TNR: variants seen among roughly 807,000 people sequenced by gnomAD.
The protein encoded by TNR is tenascin R, also known as tenascin-R.
Under a neutral mutation model 150.4 loss-of-function variants are expected in TNR, and 45 were observed. That is an observed-to-expected ratio of 0.30 (90% CI 0.24 to 0.38). The LOEUF (loss-of-function observed/expected upper bound fraction) is 0.38, where lower values mean the gene tolerates loss of function less well. TNR is among the 10% of genes least tolerant of loss of function. The pLI is 1.00. For missense variants in TNR, 1,544 were observed against 1,759.1 expected (o/e 0.88, Z 2.19); for synonymous variants, 687 against 678.4 (o/e 1.01, Z -0.20).
intron 2 of TNR, among the ~76,000 whole-genome samples, chr1:175,499,968 G>A (rs767416854): frequency 7.9e-5 from 12 of 152,172 alleles, no homozygotes; most frequent in Non-Finnish European, 1.5e-4. Context: ...AAAATACAAT[G>A]CCTATGGTTG....
chr1:175,427,658 T>TTTCCTTCCTTCCTTCCTTCCTTCC (rs199692758), intron 2 of TNR, among the ~76,000 whole-genome samples: 7 of 116,538 alleles, frequency 6.0e-5, no homozygotes, highest in Non-Finnish European at 1.1e-4. Flanking sequence ...AAGTGTTTTG[T>TTTCCTTCCTTCCTTCCTTCCTTCC]TTCCTTCCTT....
At chr1:175,424,845 G>A (rs942367881) in intron 2 of TNR, among the ~76,000 whole-genome samples, 15 of 152,070 alleles carry the variant, frequency 9.9e-5, no homozygotes, top group African/African-American at 3.4e-4. Context: ...AGTAACCACT[G>A]GCTTCTGTCT....
intron 1 of TNR, among the ~76,000 whole-genome samples, chr1:175,584,943 T>A (rs1309899746): frequency 6.6e-6 from 1 of 152,226 alleles, no homozygotes; most frequent in African/African-American, 2.4e-5. Flanking sequence ...TGGTGTCTCC[T>A]CCACAATTGC....
At chr1:175,670,929 A>G (rs922592603) in intron 1 of TNR, among the ~76,000 whole-genome samples, 1 of 152,138 alleles carries the variant, frequency 6.6e-6, no homozygotes, top group Admixed American at 6.5e-5. Context: ...GGGAAAGATC[A>G]CTCTGAGAGT....
intron 1 of TNR, among the ~76,000 whole-genome samples, chr1:175,650,806 T>TAC (rs1558054741): frequency 3.8e-3 from 17 of 4,458 alleles, no homozygotes; most frequent in East Asian, 0.011. Context: ...ATCTCATTAC[T>TAC]ACCTGTCCCC....
intron 1 of TNR, among the ~76,000 whole-genome samples, chr1:175,722,810 G>T (rs73035473): frequency 6.9e-6 from 1 of 144,906 alleles, no homozygotes; most frequent in Non-Finnish European, 1.5e-5. Context: ...CCCTGCCCCC[G>T]AGACAGAGTC....
intron 1 of TNR, among the ~76,000 whole-genome samples, chr1:175,663,599 G>A (rs1665443672): frequency 6.6e-6 from 1 of 152,168 alleles, no homozygotes; most frequent in African/African-American, 2.4e-5. Flanking sequence ...CTACAGACAG[G>A]GAAAAGCCTA....
intron 1 of TNR, among the ~76,000 whole-genome samples, chr1:175,580,042 T>C (rs1185144217): frequency 2.0e-5 from 3 of 151,776 alleles, no homozygotes; most frequent in African/African-American, 4.8e-5. Context: ...ACCTACAGAG[T>C]CGACCCCAAG....
chr1:175,402,513 A>T (rs933171110), intron 4 of TNR, among the ~76,000 whole-genome samples: 2 of 152,136 alleles, frequency 1.3e-5, no homozygotes, highest in African/African-American at 4.8e-5. Flanking sequence ...AATATTCTGT[A>T]CTAATTGTTA....
intron 1 of TNR, among the ~76,000 whole-genome samples, chr1:175,637,195 G>T (rs1338387919): frequency 6.6e-6 from 1 of 152,124 alleles, no homozygotes; most frequent in Non-Finnish European, 1.5e-5. Context: ...TATTTTTGTT[G>T]CTCTCCAGTA....
At chr1:175,552,582 A>G (rs1235294369) in intron 1 of TNR, among the ~76,000 whole-genome samples, 1 of 152,188 alleles carries the variant, frequency 6.6e-6, no homozygotes, top group Non-Finnish European at 1.5e-5. Flanking sequence ...ACTCCAAACT[A>G]TCTGCTACTT....
At chr1:175,596,427 C>T (rs1207661082) in intron 1 of TNR, among the ~76,000 whole-genome samples, 7 of 152,104 alleles carry the variant, frequency 4.6e-5, no homozygotes, top group Non-Finnish European at 8.8e-5. Flanking sequence ...CTACCTGGCT[C>T]CCAGAATCAT....
intron 18 of TNR, among the ~76,000 whole-genome samples, chr1:175,343,199 A>G (rs1353613996): frequency 2.0e-5 from 3 of 152,086 alleles, no homozygotes; most frequent in Non-Finnish European, 4.4e-5. Context: ...AATCCCTACC[A>G]TGGCCTACAA....
At position 175,334,617 on chromosome 1, in the gene TNR, C is replaced by T. The variant is rs113400539; in HGVS notation, c.3631+1094G>A. Among the ~76,000 whole-genome samples the T allele has an allele frequency of 8.0e-3, 1,212 of 152,344 alleles. 15 individuals carry two copies. Among genetic ancestry groups the T allele is most frequent in the African/African-American group, 0.026 (1,065 of 41,562 alleles). ...CCTGGACCAGTGACACATGACTCAA[C>T]TGGGCCTGCAGCCCCCACCCAGATG... On this transcript the variant is annotated intron_variant, in intron 20 of 22. Transcript: ENST00000367674.
chr1:175,367,997 C>A (rs1271549582), intron 9 of TNR, among the ~76,000 whole-genome samples: 2 of 152,134 alleles, frequency 1.3e-5, no homozygotes, highest in African/African-American at 2.4e-5. Flanking sequence ...AGGGTGTAAG[C>A]TTCTCTGAGG....
chr1:175,666,238 T>C (rs1665529136), intron 1 of TNR, among the ~76,000 whole-genome samples: 1 of 152,204 alleles, frequency 6.6e-6, no homozygotes, highest in Non-Finnish European at 1.5e-5. Context: ...GTCTGCAGTG[T>C]CCTTTAAGAT....
rs199980522 is a variant in TNR, at chr1:175,406,694, T to C, written c.21A>G (p.Thr7=). The C allele has an allele frequency of 6.2e-7, 1 of 1,613,980 alleles. No individual in the cohort carries two copies. Among genetic ancestry groups the C allele is most frequent in the Non-Finnish European group, 8.5e-7 (1 of 1,179,990 alleles). Residue 7 remains threonine, a synonymous_variant, in exon 3 of 23, where the codon ACA becomes ACG. Coordinates refer to ENST00000367674, the MANE Select transcript of TNR (RefSeq NM_003285.3). ...CAATGAGCATGTTCTTCAGAACCACTGTTTCCCCATCTGCCCCCATCCTCT... is the reference window on the plus strand; with the variant it reads ...CAATGAGCATGTTCTTCAGAACCACCGTTTCCCCATCTGCCCCCATCCTCT... The part of the protein sequence containing the change: MGADGE[T]VVLKNMLIGI...
intron 1 of TNR, among the ~76,000 whole-genome samples, chr1:175,654,782 G>A (rs375140064): frequency 6.7e-5 from 9 of 135,042 alleles, no homozygotes; most frequent in African/African-American, 1.1e-4. Context: ...GCAGTGGCGC[G>A]ACCTCAGCTC....
intron 7 of TNR, among the ~76,000 whole-genome samples, chr1:175,390,663 C>A (rs1030626470): frequency 6.6e-6 from 1 of 152,182 alleles, no homozygotes; most frequent in Non-Finnish European, 1.5e-5. Flanking sequence ...TAAGCCATCA[C>A]CTTGAACAGT....
Sources: gnomAD v4.1 joint callset for allele counts (sites outside exome capture counted in the v4.1 genomes callset) on GRCh38, gnomAD v4.1.1 for gene constraint, MANE v1.5 for transcripts, NCBI Gene and HGNC (gene_info 2026-07-23, HGNC 2026-07-21) for gene names.